MREG: variants seen among roughly 807,000 people sequenced by gnomAD.
MREG encodes dilute suppressor protein homolog.
MREG carries 31 observed loss-of-function variants against 28.5 expected under a neutral mutation model. The ratio of observed to expected loss-of-function variants is 1.09; its 90% CI spans 0.82 to 1.47. MREG has a LOEUF of 1.47. Ranked by LOEUF, MREG falls within the 40% of genes most tolerant of loss-of-function variation. MREG has a pLI of 0.00. For synonymous variants in MREG, 106 were observed against 95.2 expected (o/e 1.11, Z -0.66); for missense variants, 256 against 257.4 (o/e 0.99, Z 0.04).
In MREG at chr2:215,945,643, C is replaced by T. The variant is rs1692299707; in HGVS notation, c.438G>A (p.Leu146=). Residue 146 remains leucine, a synonymous_variant, in exon 4 of 5, where the codon TTG becomes TTA. Transcript: ENST00000263268. ...TATTGGTTTCTTCAGCCAGTTTTAA[C>T]AACATCTCTCGAGCTTTCCTTGTGT... The part of the protein sequence containing the change: ...SKNTRKAREM[L]LKLAEETNIF... 6.2e-7 allele frequency: 1 copy of T among 1,613,854 alleles called. No individual in the cohort carries two copies. Among genetic ancestry groups the T allele is most frequent in the Non-Finnish European group, 8.5e-7 (1 of 1,179,866 alleles).
chr2:215,993,933 G>A (rs1321202659), intron 2 of MREG, among the ~76,000 whole-genome samples: 1 of 152,216 alleles, frequency 6.6e-6, no homozygotes, highest in Non-Finnish European at 1.5e-5. Context: ...GAGAGATGTG[G>A]AGAAATAGGA....
At chr2:215,974,852 ACTC>A (rs1198674254) in intron 2 of MREG, among the ~76,000 whole-genome samples, 3 of 107,554 alleles carry the variant, frequency 2.8e-5, no homozygotes, top group African/African-American at 1.0e-4. Context: ...ACACACACAC[ACTC>A]TCTCTCTCTC....
chr2:216,010,200 G>A (rs1269866853), intron 1 of MREG, among the ~76,000 whole-genome samples: 2 of 152,108 alleles, frequency 1.3e-5, no homozygotes, highest in Non-Finnish European at 2.9e-5. Flanking sequence ...AAAGACTGAA[G>A]CTGTGTGGCC....
At chr2:215,963,718 A>G (rs1692862395) in intron 2 of MREG, among the ~76,000 whole-genome samples, 3 of 152,152 alleles carry the variant, frequency 2.0e-5, no homozygotes, top group African/African-American at 7.2e-5. Context: ...ATACCACCAG[A>G]AAACACTCTT....
intron 1 of MREG, among the ~76,000 whole-genome samples, chr2:216,007,041 T>C (rs1178546478): frequency 1.3e-5 from 2 of 152,206 alleles, no homozygotes; most frequent in Admixed American, 6.5e-5. Flanking sequence ...TTCTATGGCA[T>C]TGAAATCTAC....
intron 1 of MREG, among the ~76,000 whole-genome samples, chr2:215,998,197 C>T (rs1422948457): frequency 2.6e-5 from 4 of 151,372 alleles, no homozygotes; most frequent in Admixed American, 1.3e-4. Flanking sequence ...CCCAGCTACT[C>T]GGGAGGCTGA....
intron 2 of MREG, among the ~76,000 whole-genome samples, chr2:215,988,261 G>A (rs1333789518): frequency 1.3e-5 from 2 of 152,298 alleles, no homozygotes; most frequent in South Asian, 4.1e-4. Flanking sequence ...GAAGCAGGGT[G>A]GGGCGTTGCC....
chr2:216,021,252 A>G (rs1215273808), intron 1 of MREG, among the ~76,000 whole-genome samples: 2 of 151,998 alleles, frequency 1.3e-5, no homozygotes, highest in Non-Finnish European at 1.5e-5. Context: ...GGCTCAAGCA[A>G]TTCTCCAATC....
chr2:215,950,577 T>A (rs919787839), intron 2 of MREG, among the ~76,000 whole-genome samples: 1 of 152,214 alleles, frequency 6.6e-6, no homozygotes, highest in East Asian at 1.9e-4. Context: ...TCAATGAAAC[T>A]ATGGATGTCA....
intron 1 of MREG, among the ~76,000 whole-genome samples, chr2:216,002,663 T>C (rs1694047538): frequency 6.6e-6 from 1 of 152,194 alleles, no homozygotes; most frequent in African/African-American, 2.4e-5. Flanking sequence ...GCTACCCCCC[T>C]GGCTTCAAGA....
Position 215,943,368 on chromosome 2 carries a change from T to C in MREG, c.*1495A>G. On this transcript the variant is annotated 3_prime_UTR_variant, in exon 5 of 5. Transcript: ENST00000263268. The stretch of plus-strand genomic sequence containing the variant: ...CATTGCTCCCTTTTGAAAATTATCT[T>C]CTGAAGAGAAGAAGGTCCAGCAAAG... 1 of 456,538 alleles carries C rather than the reference T, an allele frequency of 2.2e-6. No homozygotes were observed. Among genetic ancestry groups the C allele is most frequent in the Non-Finnish European group, 4.4e-6 (1 of 226,894 alleles). 28.3% of individuals were successfully genotyped at this position (456,538 alleles called of 1,614,324 possible).
In MREG at chr2:215,951,015, T is replaced by TTC. The variant is rs1007135506; in HGVS notation, c.256-3904_256-3903dup. ...CTTCTCTCTCTCTCTCTCTGTCTCT[T>TTC]TCTCTCTCTCTCTCTCCTGCCACCG... On this transcript the variant is annotated intron_variant, in intron 2 of 4. Transcript: ENST00000263268. Among the ~76,000 whole-genome samples the TTC allele has an allele frequency of 9.8e-4, 148 of 151,408 alleles. 1 individual carries two copies. Among genetic ancestry groups the TTC allele is most frequent in the African/African-American group, 3.3e-3 (137 of 41,316 alleles).
chr2:215,967,659 G>T (rs2105986534), intron 2 of MREG, among the ~76,000 whole-genome samples: 1 of 152,282 alleles, frequency 6.6e-6, no homozygotes, highest in South Asian at 2.1e-4. Flanking sequence ...AGCACCAAGT[G>T]GCCTTAAGTA....
In MREG at chr2:216,004,342, G is replaced by A. The variant is rs560562283; in HGVS notation, c.96-7877C>T. ...TACTTATTATGTTTCCTGTTTATTG[G>A]GCTCCCCAACACTACCGCCACCACC... On this transcript the variant is annotated intron_variant, in intron 1 of 4. Transcript: ENST00000263268. Among the ~76,000 whole-genome samples, 5 of 151,978 alleles carry A rather than the reference G, an allele frequency of 3.3e-5. No individual in the cohort carries two copies. The South Asian group carries it at 1.0e-3, about 32-fold the overall frequency.
chr2:216,001,031 T>C (rs1694002342), intron 1 of MREG, among the ~76,000 whole-genome samples: 1 of 149,912 alleles, frequency 6.7e-6, no homozygotes, highest in African/African-American at 2.5e-5. Context: ...TCTGTCTCTC[T>C]TTCCTGTCTC....
chr2:215,997,181 T>C (rs1574640225), intron 1 of MREG, among the ~76,000 whole-genome samples: 2 of 152,282 alleles, frequency 1.3e-5, no homozygotes, highest in Non-Finnish European at 2.9e-5. Context: ...AAACTTGGAG[T>C]ACAATGATAT....
At chr2:215,939,865 CATGTTTAAAA>C (rs1221329035), downstream of MREG, among the ~76,000 whole-genome samples, 2 of 152,066 alleles carry the variant, frequency 1.3e-5, no homozygotes, top group South Asian at 2.1e-4. Flanking sequence ...ATTCACACTA[CATGTTTAAAA>C]ATGTTTAAAA....
chr2:215,940,271 A>G (rs937851835), downstream of MREG, among the ~76,000 whole-genome samples: 4 of 152,248 alleles, frequency 2.6e-5, no homozygotes, highest in Admixed American at 1.3e-4. Flanking sequence ...AGCAAGTTCA[A>G]AGTGGCTACC....
intron 2 of MREG, among the ~76,000 whole-genome samples, chr2:215,972,640 A>G (rs1693134921): frequency 6.6e-6 from 1 of 150,630 alleles, no homozygotes; most frequent in Non-Finnish European, 1.5e-5. Context: ...AAAAAAAAGG[A>G]TAGAGGAAGC....
Sources: gnomAD v4.1 joint callset for allele counts (sites outside exome capture counted in the v4.1 genomes callset) on GRCh38, gnomAD v4.1.1 for gene constraint, MANE v1.5 for transcripts, NCBI Gene and HGNC (gene_info 2026-07-23, HGNC 2026-07-21) for gene names.